KIZ: variants seen among roughly 807,000 people sequenced by gnomAD.
The protein encoded by KIZ is centrosomal protein kizuna.
A neutral mutation model predicts 79.6 loss-of-function variants in KIZ; 68 were observed. That is an observed-to-expected ratio of 0.85 (90% CI 0.70 to 1.05). The LOEUF (loss-of-function observed/expected upper bound fraction) is 1.05, where lower values mean the gene tolerates loss of function less well. Among genes scored for constraint, KIZ ranks in the 50% least tolerant of loss-of-function variants. The pLI is 0.00. For missense variants in KIZ, 797 were observed against 800.4 expected (o/e 1.00, Z 0.05); for synonymous variants, 280 against 281.8 (o/e 0.99, Z 0.06).
At chr20:21,136,666 C>A in intron 3 of KIZ, 114 bp downstream of exon 3, 3 of 676,856 alleles carry the variant, frequency 4.4e-6, no homozygotes, top group Admixed American at 3.6e-5. Context: ...CACCTGGGCT[C>A]AAGCAGTCCT....
chr20:21,182,570 C>T (rs1461996070), intron 6 of KIZ, among the ~76,000 whole-genome samples: 4 of 152,028 alleles, frequency 2.6e-5, no homozygotes, highest in East Asian at 1.9e-4. Flanking sequence ...CCAAGGTGGG[C>T]GGATTGCCTG....
intron 9 of KIZ, among the ~76,000 whole-genome samples, chr20:21,224,056 C>T (rs781256868): frequency 1.1e-4 from 16 of 151,902 alleles, no homozygotes; most frequent in East Asian, 1.9e-4. Flanking sequence ...TGCAATGGCG[C>T]GATCTCGGGT....
chr20:21,176,023 A>G lies in KIZ; in HGVS notation c.1352+12864A>G, dbSNP rs1219771024. On this transcript the variant is annotated intron_variant, in intron 6 of 12. Transcript: ENST00000619189. ...GGAGTGAGACCCTGTCTGAAAAAAA[A>G]TGGAGGCTGGGCACGGTGGCTCACG... is the stretch of plus-strand genomic sequence containing the variant. 6.6e-5 allele frequency among the ~76,000 whole-genome samples: 10 copies of G among 152,094 alleles called. No individual in the cohort carries two copies. In the South Asian group the frequency reaches 2.1e-3, roughly 32 times the overall value.
At chr20:21,141,265 G>A (rs1328688087) in intron 3 of KIZ, among the ~76,000 whole-genome samples, 2 of 152,130 alleles carry the variant, frequency 1.3e-5, no homozygotes, top group Non-Finnish European at 2.9e-5. Context: ...GTTGATTTGG[G>A]AAATAAGGAA....
intron 3 of KIZ, among the ~76,000 whole-genome samples, chr20:21,141,666 C>T (rs909314488): frequency 2.0e-5 from 3 of 152,052 alleles, no homozygotes; most frequent in African/African-American, 7.3e-5. Flanking sequence ...GGAGGATCCC[C>T]ATGGCAGGCA....
intron 6 of KIZ, among the ~76,000 whole-genome samples, chr20:21,164,654 A>G (rs1000611330): frequency 6.6e-6 from 1 of 152,008 alleles, no homozygotes; most frequent in Non-Finnish European, 1.5e-5. Context: ...ATGTGTATGA[A>G]TTCCTACTAA....
intron 6 of KIZ, among the ~76,000 whole-genome samples, chr20:21,182,212 T>C (rs796233327): frequency 2.0e-5 from 3 of 152,088 alleles, no homozygotes; most frequent in African/African-American, 7.2e-5. Context: ...AATGCACTTA[T>C]AAGAAGAGAC....
At position 21,215,642 on chromosome 20, in the gene KIZ, A is replaced by G; in HGVS notation, c.1672A>G (p.Ile558Val). The G allele has an allele frequency of 1.3e-6, 2 of 1,598,896 alleles. No individual in the cohort carries two copies. Among genetic ancestry groups the G allele is most frequent in the Non-Finnish European group, 1.7e-6 (2 of 1,168,212 alleles). Residue 558 changes from isoleucine (I) to valine (V), a missense_variant, in exon 9 of 13, where the codon ATC becomes GTC. Physicochemically the swap from Ile to Val is conservative, Grantham distance 29 (BLOSUM62 3). Transcript: ENST00000619189. Reference protein sequence around the residue: ...KKENVAADIPITETEAYQLLK... With the variant: ...KKENVAADIPVTETEAYQLLK... ...AGAAAATGTGGCTGCAGATATCCCA[A>G]TCACAGGTAAAGCTATGGTTGCCTA...
At chr20:21,246,381 T>G (rs1326796961) in intron 12 of KIZ, 98 bp from the exon 13 acceptor site, 1 of 740,596 alleles carries the variant, frequency 1.4e-6, no homozygotes, top group Non-Finnish European at 2.4e-6. Flanking sequence ...TTTTGCAGAC[T>G]GACACTCTGC....
At chr20:21,131,484 C>G (rs2122301182) in intron 1 of KIZ, among the ~76,000 whole-genome samples, 1 of 152,340 alleles carries the variant, frequency 6.6e-6, no homozygotes, top group South Asian at 2.1e-4. Flanking sequence ...ATCTCATCCA[C>G]TTGGCTGTGC....
chr20:21,127,418 T>C (rs912283417), intron 1 of KIZ, among the ~76,000 whole-genome samples: 1 of 152,224 alleles, frequency 6.6e-6, no homozygotes, highest in Non-Finnish European at 1.5e-5. Flanking sequence ...TTGTAAGTTA[T>C]TTTTGTTTCC....
intron 7 of KIZ, among the ~76,000 whole-genome samples, chr20:21,208,961 C>A (rs2035953808): frequency 1.3e-5 from 2 of 152,166 alleles, no homozygotes; most frequent in African/African-American, 4.8e-5. Flanking sequence ...CGGGTTAAAT[C>A]TTTCTCTTTA....
intron 6 of KIZ, among the ~76,000 whole-genome samples, chr20:21,190,372 A>C (rs2123020698): frequency 6.6e-6 from 1 of 152,378 alleles, no homozygotes; most frequent in East Asian, 1.9e-4. Flanking sequence ...ACCTCTGTAA[A>C]AGGATTAGCG....
At chr20:21,154,717 A>G (rs1409344401) in intron 4 of KIZ, among the ~76,000 whole-genome samples, 1 of 152,256 alleles carries the variant, frequency 6.6e-6, no homozygotes, top group Non-Finnish European at 1.5e-5. Context: ...TGTGTCAACA[A>G]TAATGTGAAA....
Position 21,224,204 on chromosome 20 carries a change from C to G in KIZ, c.1679-4807C>G, listed in dbSNP as rs1284583075. Among the ~76,000 whole-genome samples the G allele has an allele frequency of 3.9e-5, 6 of 152,122 alleles. No individual in the cohort carries two copies. In the South Asian group the frequency reaches 8.3e-4, roughly 21 times the overall value. On this transcript the variant is annotated intron_variant, in intron 9 of 12. Coordinates refer to ENST00000619189, the MANE Select transcript of KIZ (RefSeq NM_018474.6). ...ATTTTGGTCAGGCTGGTCTTGAACT[C>G]CCGACCTCAGGTGATCTGCCCGCCT...
chr20:21,168,999 A>G (rs1414757022), intron 6 of KIZ, among the ~76,000 whole-genome samples: 1 of 152,178 alleles, frequency 6.6e-6, no homozygotes, highest in Non-Finnish European at 1.5e-5. Flanking sequence ...AACCTAGGCA[A>G]TACCATTCAG....
intron 4 of KIZ, chr20:21,151,695 A>G (rs940551849): frequency 2.0e-5 from 3 of 152,216 alleles, no homozygotes; most frequent in Admixed American, 1.3e-4. Context: ...TATTAGAAAA[A>G]GATATACTTC....
chr20:21,239,643 T>C (rs1453675502), intron 11 of KIZ, among the ~76,000 whole-genome samples: 1 of 152,234 alleles, frequency 6.6e-6, no homozygotes, highest in Non-Finnish European at 1.5e-5. Flanking sequence ...TGATGTTGAC[T>C]GTGTAGACCA....
chr20:21,141,726 A>G (rs2032541139), intron 3 of KIZ, among the ~76,000 whole-genome samples: 1 of 151,900 alleles, frequency 6.6e-6, no homozygotes, highest in Non-Finnish European at 1.5e-5. Context: ...ATGCTGGCCC[A>G]GGCTTTTGAG....
Sources: gnomAD v4.1 joint callset for allele counts (sites outside exome capture counted in the v4.1 genomes callset) on GRCh38, gnomAD v4.1.1 for gene constraint, MANE v1.5 for transcripts, NCBI Gene and HGNC (gene_info 2026-07-23, HGNC 2026-07-21) for gene names.